Variants in ENTPD4 observed in about 807,000 individuals in gnomAD.
The protein encoded by ENTPD4 is Golgi UDPase.
In ENTPD4, 60 loss-of-function variants were observed where a neutral mutation model predicts 79.1. That is an observed-to-expected ratio of 0.76 (90% CI 0.62 to 0.94). The LOEUF (loss-of-function observed/expected upper bound fraction) is 0.94. Ranked by LOEUF, ENTPD4 falls within the 40% of genes least tolerant of loss-of-function variation. The probability of loss-of-function intolerance (pLI) is 0.00; values close to 1 mark genes in which losing one functional copy is unlikely to be tolerated. For missense variants in ENTPD4, 772 were observed against 775.1 expected (o/e 1.00, Z 0.05); for synonymous variants, 276 against 292.0 (o/e 0.95, Z 0.56).
chr8:23,431,845 C>T lies in ENTPD4; in HGVS notation c.*1081G>A. 1.0e-6 allele frequency: 1 copy of T among 985,392 alleles called. No individual in the cohort carries two copies. The highest frequency in any genetic ancestry group is 1.2e-6 in the Non-Finnish European group (1 of 829,922). The allele number at this position is 985,392 out of a possible 1,614,324, so 61.0% of individuals were successfully genotyped here. A position where few individuals can be genotyped will look rare whatever the true frequency, so the allele number is the denominator to read the frequency against. ...GGAATTTCCAATTCTTTCAAAACCA[C>T]AGTGTTCTAATGCCACTGAAATATG... On this transcript the variant is annotated 3_prime_UTR_variant, in exon 13 of 13. Coordinates refer to ENST00000358689, the MANE Select transcript of ENTPD4 (RefSeq NM_004901.5).
chr8:23,449,056 G>T, intron 2 of ENTPD4, 117 bp from the exon 3 acceptor site: 1 of 750,910 alleles, frequency 1.3e-6, no homozygotes, highest in South Asian at 1.8e-5. Context: ...CTAACTGTAG[G>T]TATCTGTATA....
chr8:23,431,191 G>T lies in ENTPD4; in HGVS notation c.*1735C>A. 1 of 381,234 alleles carries T rather than the reference G, an allele frequency of 2.6e-6. No individual in the cohort carries two copies. Among genetic ancestry groups the T allele is most frequent in the Non-Finnish European group, 3.6e-6 (1 of 278,302 alleles). 23.6% of individuals were successfully genotyped at this position (381,234 alleles called of 1,614,324 possible). ...GAACTGCCCCTAATGCTCAGTTCAT[G>T]GCAATACAGGCCTTTTCTCTCCTGT... is the stretch of plus-strand genomic sequence containing the variant. On this transcript the variant is annotated 3_prime_UTR_variant, in exon 13 of 13. Coordinates refer to ENST00000358689, the MANE Select transcript of ENTPD4 (RefSeq NM_004901.5).
chr8:23,436,406 T>C lies in ENTPD4; in HGVS notation c.1374+528A>G, dbSNP rs561193574. Among the ~76,000 whole-genome samples the C allele has an allele frequency of 2.6e-5, 4 of 151,992 alleles. No individual in the cohort carries two copies. In the East Asian group the frequency reaches 7.8e-4, roughly 29 times the overall value. ...CAGGAACAGAATGGAGAGAGGATGG[T>C]GGGTTTGTCTGGAGTTGTGGAATCT... On this transcript the variant is annotated intron_variant, in intron 10 of 12. Coordinates refer to ENST00000358689, the MANE Select transcript of ENTPD4 (RefSeq NM_004901.5).
intron 11 of ENTPD4, among the ~76,000 whole-genome samples, chr8:23,435,172 G>C (rs1800533842): frequency 6.6e-6 from 1 of 152,198 alleles, no homozygotes; most frequent in Non-Finnish European, 1.5e-5. Flanking sequence ...TATGAACAGG[G>C]GAATTTCAGG....
chr8:23,431,600 C>T lies in ENTPD4; in HGVS notation c.*1326G>A, dbSNP rs879848901. The T allele has an allele frequency of 8.9e-5, 88 of 985,422 alleles. No individual in the cohort carries two copies. In the African/African-American group the frequency reaches 1.3e-3, roughly 14 times the overall value. The allele number at this position is 985,422 out of a possible 1,614,324, so 61.0% of individuals were successfully genotyped here. A position where few individuals can be genotyped will look rare whatever the true frequency, so the allele number is the denominator to read the frequency against. ...GGATTTACAGTGGTGCTGCCAGCAA[C>T]AGCCTCAGTCAATGCGGTTAGGAAG... On this transcript the variant is annotated 3_prime_UTR_variant, in exon 13 of 13. Transcript: ENST00000358689.
intron 6 of ENTPD4, among the ~76,000 whole-genome samples, chr8:23,442,647 C>T (rs1800694091): frequency 6.6e-6 from 1 of 151,444 alleles, no homozygotes; most frequent in Non-Finnish European, 1.5e-5. Context: ...CGTGCCACTG[C>T]ACTCCAGCCT....
chr8:23,434,219 A>G, intron 12 of ENTPD4, 98 bp downstream of exon 12: 3 of 1,492,402 alleles, frequency 2.0e-6, no homozygotes, highest in Non-Finnish European at 2.7e-6. Context: ...CGGCTCTAAC[A>G]GCAATGCCCC....
In ENTPD4 at chr8:23,430,640, G is replaced by A. The variant is rs541195291; in HGVS notation, c.*2286C>T. 4.1e-6 allele frequency: 4 copies of A among 985,270 alleles called. No individual in the cohort carries two copies. Among genetic ancestry groups the A allele is most frequent in the Non-Finnish European group, 4.8e-6 (4 of 829,950 alleles). 61.0% of individuals were successfully genotyped at this position (985,270 alleles called of 1,614,324 possible). On this transcript the variant is annotated 3_prime_UTR_variant, in exon 13 of 13. Transcript: ENST00000358689. ...CAAATCCACTACTACCTCTCAGCTG[G>A]AGCAATGAGGTTTTCTCAGCCCTTG...
At chr8:23,451,456 C>T (rs919359995) in intron 1 of ENTPD4, among the ~76,000 whole-genome samples, 1 of 152,154 alleles carries the variant, frequency 6.6e-6, no homozygotes, top group East Asian at 1.9e-4. Flanking sequence ...AGTCTTCTAC[C>T]GGCAGTCTCA....
At chr8:23,444,681 A>G in intron 4 of ENTPD4, 75 bp from the exon 5 acceptor site, 1 of 1,335,250 alleles carries the variant, frequency 7.5e-7, no homozygotes, top group Non-Finnish European at 1.1e-6. Flanking sequence ...AGAGTGGCTA[A>G]TTTTAGGGAA....
In ENTPD4 at chr8:23,443,902, A is replaced by G; in HGVS notation, c.615T>C (p.Phe205=). The change falls in exon 6 of 13, where the codon TTT becomes TTC. Residue 205 remains phenylalanine, a synonymous_variant. Transcript: ENST00000358689. The part of the protein sequence containing the change: ...EDLLTDIPVH[F]DFLFSDSHAE... Reference sequence around the variant, plus strand: ...CATGAGAGTCAGAAAACAGAAAGTCAAAGTGCACGGGGATATCGGTCAGAA... The same window carrying G: ...CATGAGAGTCAGAAAACAGAAAGTCGAAGTGCACGGGGATATCGGTCAGAA... The G allele has an allele frequency of 6.2e-7, 1 of 1,613,898 alleles. No homozygotes were observed. The highest frequency in any genetic ancestry group is 8.5e-7 in the Non-Finnish European group (1 of 1,179,790).
At chr8:23,440,355 A>T (rs1046504343) in intron 8 of ENTPD4, among the ~76,000 whole-genome samples, 6 of 152,358 alleles carry the variant, frequency 3.9e-5, no homozygotes, top group African/African-American at 1.4e-4. Flanking sequence ...GCACTGTTAA[A>T]TAAAGGACAA....
intron 1 of ENTPD4, among the ~76,000 whole-genome samples, chr8:23,453,663 C>G (rs778676885): frequency 6.6e-6 from 1 of 152,144 alleles, no homozygotes; most frequent in Non-Finnish European, 1.5e-5. Context: ...GGGAAAAGGT[C>G]GATGAGTACT....
chr8:23,444,883 G>A (rs904489920), intron 4 of ENTPD4, among the ~76,000 whole-genome samples: 7 of 152,062 alleles, frequency 4.6e-5, no homozygotes, highest in East Asian at 1.9e-4. Context: ...CTCGAGAAAC[G>A]TGCTCCCCCT....
In ENTPD4 at chr8:23,441,641, G is replaced by A. The variant is rs138505085; in HGVS notation, c.810C>T (p.Leu270=). 2.0e-4 allele frequency: 321 copies of A among 1,614,132 alleles called. No homozygotes were observed. In the African/African-American group the frequency reaches 3.8e-3, roughly 19 times the overall value. Residue 270 remains leucine, a synonymous_variant, in exon 8 of 13, where the codon CTC becomes CTT. Coordinates refer to ENST00000358689, the MANE Select transcript of ENTPD4 (RefSeq NM_004901.5). ...AIVRKRTAGI[L]DMGGVSTQIA... is the part of the protein sequence containing the mutation. The stretch of plus-strand genomic sequence containing the variant: ...TCTGAGTCGACACGCCGCCCATGTC[G>A]AGAATGCCCGCTGTCCTTTTACGGA...
rs117655902 is a variant in ENTPD4, at chr8:23,436,978, T to C, written c.1330A>G (p.Met444Val). Residue 444 changes from methionine to valine, a missense_variant, in exon 10 of 13, where the codon ATG becomes GTG. Coordinates refer to ENST00000358689, the MANE Select transcript of ENTPD4 (RefSeq NM_004901.5). ...TTAGCAGCATTGTAGTCTCCCCCCA[T>C]TCGTAACACATCCTCGGTGCAGTAG... ...FYYCTEDVLR[M>V]GGDYNAAKFT... 1.0e-4 allele frequency: 169 copies of C among 1,612,238 alleles called. 1 individual carries two copies. The East Asian group carries it at 3.5e-3, about 33-fold the overall frequency.
chr8:23,433,327 G>A (rs1800494912), intron 12 of ENTPD4, among the ~76,000 whole-genome samples, 173 bp from the exon 13 acceptor site: 1 of 152,218 alleles, frequency 6.6e-6, no homozygotes, highest in Non-Finnish European at 1.5e-5. Context: ...AAGTATCAGT[G>A]AGATAACATG....
chr8:23,440,526 T>A (rs928967589), intron 8 of ENTPD4, among the ~76,000 whole-genome samples: 1 of 152,242 alleles, frequency 6.6e-6, no homozygotes, highest in Non-Finnish European at 1.5e-5. Context: ...GTTATTTCTA[T>A]GTATTTTTTA....
At position 23,457,646 on chromosome 8, in the gene ENTPD4, C is replaced by G. The variant is rs1452129914; in HGVS notation, c.-187G>C. 1.3e-5 allele frequency: 2 copies of G among 151,788 alleles called. No individual in the cohort carries two copies. The highest frequency in any genetic ancestry group is 2.9e-5 in the Non-Finnish European group (2 of 67,920). The allele number at this position is 151,788 out of a possible 1,614,324, so 9.4% of individuals were successfully genotyped here. On this transcript the variant is annotated 5_prime_UTR_variant, in exon 1 of 13. Coordinates refer to ENST00000358689, the MANE Select transcript of ENTPD4 (RefSeq NM_004901.5). ...GCTTCCTGGAGGCCGCGCTCCTTTC[C>G]TGGAGCCGCACCCCCGCCCGGCCCC...
Sources: allele counts gnomAD v4.1 joint callset (sites outside exome capture counted in the v4.1 genomes callset), GRCh38; gene constraint gnomAD v4.1.1; transcripts MANE v1.5; gene names NCBI Gene and HGNC (gene_info 2026-07-23, HGNC 2026-07-21).